HTR1F: variants seen among roughly 807,000 people sequenced by gnomAD.
HTR1F encodes the protein 5-hydroxytryptamine (serotonin) receptor 1F, G protein-coupled.
Under a neutral mutation model 24.0 loss-of-function variants are expected in HTR1F, and 17 were observed. That is an observed-to-expected ratio of 0.71 (90% CI 0.48 to 1.06). HTR1F has a LOEUF of 1.06. Ranked by LOEUF, HTR1F falls within the 50% of genes least tolerant of loss-of-function variation. HTR1F has a pLI of 0.00. For synonymous variants in HTR1F, 186 were observed against 156.8 expected (o/e 1.19, Z -1.39); for missense variants, 391 against 427.8 (o/e 0.91, Z 0.76).
At chr3:87,795,895 T>A (rs2107051655) in intron 1 of HTR1F, among the ~76,000 whole-genome samples, 2 of 152,228 alleles carry the variant, frequency 1.3e-5, no homozygotes, top group South Asian at 4.1e-4. Flanking sequence ...AAGGGGAAAC[T>A]CTATTAATTT....
intron 2 of HTR1F, among the ~76,000 whole-genome samples, chr3:87,886,540 G>T (rs2919275): frequency 0.37 from 56,260 of 151,890 alleles, 15,257 homozygotes; most frequent in African/African-American, 0.77. Context: ...AGGAAAAGAG[G>T]AAGTCAAATT....
intron 2 of HTR1F, among the ~76,000 whole-genome samples, chr3:87,924,773 C>T (rs1258713755): frequency 5.9e-5 from 9 of 152,048 alleles, no homozygotes; most frequent in Non-Finnish European, 1.0e-4. Flanking sequence ...TGATTTGATG[C>T]TTTTCTGTTG....
intron 2 of HTR1F, among the ~76,000 whole-genome samples, chr3:87,990,084 A>T (rs1398542726): frequency 2.6e-5 from 4 of 152,154 alleles, no homozygotes. Context: ...GCTAAATCGT[A>T]AAGGTTTGGG....
chr3:87,808,189 T>C (rs953314823), intron 1 of HTR1F, among the ~76,000 whole-genome samples: 3 of 151,966 alleles, frequency 2.0e-5, no homozygotes, highest in African/African-American at 7.2e-5. Context: ...TTGAGGAGAA[T>C]TGGAGTTAGT....
intron 2 of HTR1F, among the ~76,000 whole-genome samples, chr3:87,934,285 C>G: frequency 6.6e-6 from 1 of 152,198 alleles, no homozygotes; most frequent in South Asian, 2.1e-4. Flanking sequence ...TTGCCAAGCA[C>G]TGTGCAAAGT....
intron 2 of HTR1F, among the ~76,000 whole-genome samples, chr3:87,935,776 G>A (rs76156334): frequency 0.09 from 13,726 of 151,972 alleles, 668 homozygotes; most frequent in African/African-American, 0.12. Flanking sequence ...TTAATGGGCT[G>A]CAAGTGAAAT....
At chr3:87,936,245 T>C (rs1704412627) in intron 2 of HTR1F, among the ~76,000 whole-genome samples, 2 of 152,204 alleles carry the variant, frequency 1.3e-5, no homozygotes, top group African/African-American at 2.4e-5. Context: ...ACAAGAATAA[T>C]TTTCTAAAAG....
At chr3:87,927,067 G>A (rs1410673824) in intron 2 of HTR1F, among the ~76,000 whole-genome samples, 3 of 152,226 alleles carry the variant, frequency 2.0e-5, no homozygotes, top group East Asian at 3.9e-4. Context: ...AGCCACAGTC[G>A]AGGCTTTGTA....
chr3:87,927,432 G>A (rs1254671387), intron 2 of HTR1F, among the ~76,000 whole-genome samples: 1 of 152,054 alleles, frequency 6.6e-6, no homozygotes, highest in Non-Finnish European at 1.5e-5. Flanking sequence ...CCAGTGAAAA[G>A]AAGTGCACGT....
chr3:87,890,600 A>G (rs1234501732), intron 2 of HTR1F, among the ~76,000 whole-genome samples: 2 of 151,224 alleles, frequency 1.3e-5, no homozygotes, highest in African/African-American at 4.9e-5. Flanking sequence ...GATGGGAAAA[A>G]TATTAACTGT....
intron 2 of HTR1F, among the ~76,000 whole-genome samples, chr3:87,894,493 A>G (rs1408949916): frequency 6.6e-6 from 1 of 150,530 alleles, no homozygotes; most frequent in Non-Finnish European, 1.5e-5. Flanking sequence ...CCTGACCTCA[A>G]GTGATCTGCC....
chr3:87,908,814 G>A (rs949027553), intron 2 of HTR1F, among the ~76,000 whole-genome samples: 2 of 152,028 alleles, frequency 1.3e-5, no homozygotes, highest in African/African-American at 4.8e-5. Context: ...CTCAGTGAAA[G>A]TGTCTTTCAC....
At chr3:87,869,551 T>C (rs1415274265) in intron 2 of HTR1F, among the ~76,000 whole-genome samples, 2 of 152,030 alleles carry the variant, frequency 1.3e-5, no homozygotes, top group Non-Finnish European at 2.9e-5. Context: ...ATGTTCAGGG[T>C]GAGTCGATAA....
chr3:87,979,199 T>C (rs1484218161), intron 2 of HTR1F, among the ~76,000 whole-genome samples: 1 of 151,322 alleles, frequency 6.6e-6, no homozygotes, highest in African/African-American at 2.4e-5. Flanking sequence ...AGTCAGGGAC[T>C]GAAGTCAGTC....
In HTR1F at chr3:87,991,688, AT is replaced by A; in HGVS notation, c.941del (p.Leu314Ter). 1 of 1,613,692 alleles carries A rather than the reference AT, an allele frequency of 6.2e-7. No homozygotes were observed. Among genetic ancestry groups the A allele is most frequent in the South Asian group, 1.1e-5 (1 of 90,982 alleles). ...ICWLPFFVKE[L>X]VVNVCDKCKI... ...GTTGGCTTCCTTTTTTTGTAAAAGA[AT>A]TAGTTGTTAATGTCTGTGACAAATG... is the stretch of plus-strand genomic sequence containing the variant. On this transcript the variant is annotated frameshift_variant, in exon 3 of 3. Transcript: ENST00000319595. LOFTEE classifies it high-confidence loss of function.
At chr3:87,841,900 CAA>C (rs1463648976) in intron 2 of HTR1F, among the ~76,000 whole-genome samples, 1 of 57,490 alleles carries the variant, frequency 1.7e-5, no homozygotes. Flanking sequence ...GATTCTGTCT[CAA>C]AAAAAAAAAA....
Position 87,907,370 on chromosome 3 carries a change from G to A in HTR1F, c.-42-83338G>A, listed in dbSNP as rs543913630. Reference sequence around the variant, plus strand: ...TCATGTTCTTAGCCCACTTTTTGAAGGGATTTTTTTTTTTGCTGATTTTTT... The same window carrying A: ...TCATGTTCTTAGCCCACTTTTTGAAAGGATTTTTTTTTTTGCTGATTTTTT... On this transcript the variant is annotated intron_variant, in intron 2 of 2. Coordinates refer to ENST00000319595, the MANE Select transcript of HTR1F (RefSeq NM_001322209.2). Among the ~76,000 whole-genome samples the A allele has an allele frequency of 1.1e-4, 13 of 117,038 alleles. 1 individual carries two copies. In the South Asian group the frequency reaches 2.9e-3, roughly 26 times the overall value. 76.8% of individuals were successfully genotyped at this position (117,038 alleles called of 152,430 possible).
At position 87,938,111 on chromosome 3, in the gene HTR1F, G is replaced by C. The variant is rs549260742; in HGVS notation, c.-42-52597G>C. Among the ~76,000 whole-genome samples the C allele has an allele frequency of 5.3e-5, 8 of 152,116 alleles. No homozygotes were observed. In the East Asian group the frequency reaches 1.4e-3, roughly 26 times the overall value. ...AAAGTCTCAGTACACAAAAATCAAT[G>C]TGAAAAAAGTAACTAACATTCCTAT... is the stretch of plus-strand genomic sequence containing the variant. On this transcript the variant is annotated intron_variant, in intron 2 of 2. Coordinates refer to ENST00000319595, the MANE Select transcript of HTR1F (RefSeq NM_001322209.2).
At chr3:87,820,256 A>T (rs1475786294) in intron 1 of HTR1F, among the ~76,000 whole-genome samples, 5 of 146,932 alleles carry the variant, frequency 3.4e-5, no homozygotes, top group African/African-American at 1.3e-4. Flanking sequence ...GGCTCACTGC[A>T]AGCTCCGCCT....
Sources: gnomAD v4.1 joint callset for allele counts (sites outside exome capture counted in the v4.1 genomes callset) on GRCh38, gnomAD v4.1.1 for gene constraint, MANE v1.5 for transcripts, NCBI Gene and HGNC (gene_info 2026-07-23, HGNC 2026-07-21) for gene names.